Variants in PRKG1 observed in about 807,000 individuals in gnomAD.
PRKG1 encodes cGMP-dependent protein kinase 1.
Under a neutral mutation model 88.1 loss-of-function variants are expected in PRKG1, and 35 were observed. That is an observed-to-expected ratio of 0.40 (90% CI 0.30 to 0.53). The LOEUF (loss-of-function observed/expected upper bound fraction) is 0.53. PRKG1 is among the 20% of genes least tolerant of loss of function. The pLI is 0.59. For synonymous variants in PRKG1, 303 were observed against 292.5 expected (o/e 1.04, Z -0.37); for missense variants, 540 against 839.8 (o/e 0.64, Z 4.41).
At chr10:51,332,350 A>G (rs1841762775) in intron 2 of PRKG1, among the ~76,000 whole-genome samples, 2 of 152,174 alleles carry the variant, frequency 1.3e-5, no homozygotes. Context: ...GCTATTCCTT[A>G]TAGAACTTGG....
intron 2 of PRKG1, among the ~76,000 whole-genome samples, chr10:51,279,728 A>T: frequency 6.6e-6 from 1 of 152,206 alleles, no homozygotes; most frequent in Admixed American, 6.5e-5. Context: ...TTTGCTGGGT[A>T]GATCTTCCTC....
chr10:52,148,758 T>C (rs1167340406), intron 8 of PRKG1, among the ~76,000 whole-genome samples: 1 of 152,016 alleles, frequency 6.6e-6, no homozygotes, highest in Non-Finnish European at 1.5e-5. Flanking sequence ...TCACCGAGGA[T>C]GGGACCTGGA....
At chr10:51,509,320 T>A (rs1371644467) in intron 3 of PRKG1, among the ~76,000 whole-genome samples, 1 of 152,170 alleles carries the variant, frequency 6.6e-6, no homozygotes, top group African/African-American at 2.4e-5. Flanking sequence ...AGTGACTAAT[T>A]TTTGAATGTG....
chr10:51,903,747 T>C (rs1290113764), intron 4 of PRKG1, among the ~76,000 whole-genome samples: 1 of 152,144 alleles, frequency 6.6e-6, no homozygotes, highest in African/African-American at 2.4e-5. Flanking sequence ...AAAGTGTTGT[T>C]TTGAAAGGCA....
rs187718569 is a variant in PRKG1 at position 51,109,233 on chromosome 10, T to C, written c.311+34332T>C. On this transcript the variant is annotated intron_variant, in intron 1 of 17. Coordinates refer to ENST00000373980, the MANE Select transcript of PRKG1 (RefSeq NM_006258.4). Reference sequence around the variant, plus strand: ...TTTGTAGAAATTGATAGACTAATTTTAAAATTCACATGGAAATGCAAAGGA... The same window carrying C: ...TTTGTAGAAATTGATAGACTAATTTCAAAATTCACATGGAAATGCAAAGGA... Among the ~76,000 whole-genome samples, 13 of 152,230 alleles carry C rather than the reference T, an allele frequency of 8.5e-5. No individual in the cohort carries two copies. The East Asian group carries it at 2.3e-3, about 27-fold the overall frequency.
intron 9 of PRKG1, among the ~76,000 whole-genome samples, chr10:52,202,071 G>A (rs779054509): frequency 7.9e-5 from 12 of 151,784 alleles, no homozygotes; most frequent in Non-Finnish European, 1.2e-4. Flanking sequence ...TGACTGCTCT[G>A]GCTATGAATT....
Position 51,570,067 on chromosome 10 carries a change from A to ATATATATATATATGTG in PRKG1, c.592+102232_592+102233insATATATATATATGTGT, listed in dbSNP as rs1491310201. On this transcript the variant is annotated intron_variant, in intron 3 of 17. Transcript: ENST00000373980. ...CAAACTAGTATATATATATATATAT[A>ATATATATATATATGTG]TGTGTGTGTGTGTTTATATATGTAT... is the stretch of plus-strand genomic sequence containing the variant. Among the ~76,000 whole-genome samples the ATATATATATATATGTG allele has an allele frequency of 8.8e-5, 10 of 113,078 alleles. 1 individual carries two copies. The highest frequency in any genetic ancestry group is 5.5e-4 in the South Asian group (2 of 3,648). 74.2% of individuals were successfully genotyped at this position (113,078 alleles called of 152,430 possible).
chr10:51,152,967 T>C (rs1267793403), intron 1 of PRKG1, among the ~76,000 whole-genome samples, 197 bp from the exon 2 acceptor site: 5 of 150,726 alleles, frequency 3.3e-5, no homozygotes, highest in Non-Finnish European at 7.4e-5. Context: ...TAAAAAAAAT[T>C]CTTAGTGCCT....
At chr10:51,364,625 A>T (rs1842552046) in intron 2 of PRKG1, among the ~76,000 whole-genome samples, 1 of 151,992 alleles carries the variant, frequency 6.6e-6, no homozygotes, top group Admixed American at 6.6e-5. Context: ...CTTTATAAGG[A>T]AAATACCTAG....
At chr10:51,617,225 T>TCA (rs768000643) in intron 3 of PRKG1, among the ~76,000 whole-genome samples, 5 of 152,158 alleles carry the variant, frequency 3.3e-5, no homozygotes, top group Non-Finnish European at 7.4e-5. Flanking sequence ...ATCTTCCAGT[T>TCA]CACTCATGGT....
At chr10:51,814,046 C>G (rs1047993007) in intron 4 of PRKG1, among the ~76,000 whole-genome samples, 1 of 152,148 alleles carries the variant, frequency 6.6e-6, no homozygotes, top group African/African-American at 2.4e-5. Flanking sequence ...TGACTTACAA[C>G]TCAGGATCAG....
At chr10:51,521,821 G>A (rs1479664258) in intron 3 of PRKG1, among the ~76,000 whole-genome samples, 1 of 152,212 alleles carries the variant, frequency 6.6e-6, no homozygotes, top group South Asian at 2.1e-4. Context: ...GTAAATGAAA[G>A]TCGTGTGAAT....
At chr10:51,857,113 CAT>C (rs1178453271) in intron 4 of PRKG1, among the ~76,000 whole-genome samples, 1 of 152,024 alleles carries the variant, frequency 6.6e-6, no homozygotes, top group Non-Finnish European at 1.5e-5. Context: ...AGCCTTTTCA[CAT>C]GTCATCTTTA....
chr10:51,153,093 C>A (rs558897104), intron 1 of PRKG1, 71 bp from the exon 2 acceptor site: 4 of 1,410,982 alleles, frequency 2.8e-6, no homozygotes, highest in African/African-American at 1.5e-5. Flanking sequence ...CACTCTATGG[C>A]GCTGCTAAAC....
chr10:51,056,670 A>G (rs1404557214), intron 1 of PRKG1, among the ~76,000 whole-genome samples: 2 of 152,074 alleles, frequency 1.3e-5, no homozygotes, highest in African/African-American at 2.4e-5. Context: ...CTTTGCTGAA[A>G]CTGTAGCTAC....
intron 4 of PRKG1, among the ~76,000 whole-genome samples, chr10:51,842,393 A>G (rs1414759589): frequency 6.6e-6 from 1 of 152,210 alleles, no homozygotes; most frequent in Non-Finnish European, 1.5e-5. Context: ...TGTAGCTTAA[A>G]CTAATGGAAG....
chr10:51,645,690 A>G (rs1839899145), intron 3 of PRKG1, among the ~76,000 whole-genome samples: 1 of 152,224 alleles, frequency 6.6e-6, no homozygotes, highest in South Asian at 2.1e-4. Flanking sequence ...AAACAAAAGA[A>G]AAACAAGTAC....
intron 3 of PRKG1, among the ~76,000 whole-genome samples, chr10:51,738,083 T>A (rs939005343): frequency 2.6e-5 from 4 of 152,048 alleles, no homozygotes; most frequent in African/African-American, 9.7e-5. Flanking sequence ...CTGTATTTTT[T>A]AAAAGCTCCC....
At chr10:52,281,958 T>C (rs1842010677) in intron 13 of PRKG1, among the ~76,000 whole-genome samples, 195 bp from the exon 14 acceptor site, 1 of 152,150 alleles carries the variant, frequency 6.6e-6, no homozygotes, top group Non-Finnish European at 1.5e-5. Flanking sequence ...TACTCAGGTG[T>C]CAACTTTTGC....
Sources: gnomAD v4.1 joint callset for allele counts (sites outside exome capture counted in the v4.1 genomes callset) on GRCh38, gnomAD v4.1.1 for gene constraint, MANE v1.5 for transcripts, NCBI Gene and HGNC (gene_info 2026-07-23, HGNC 2026-07-21) for gene names.